Variants in BANF2 observed in about 807,000 individuals in gnomAD.
BANF2 encodes the protein barrier-to-autointegration factor-like protein.
Under a neutral mutation model 8.0 loss-of-function variants are expected in BANF2, and 4 were observed. The ratio of observed to expected loss-of-function variants is 0.50; its 90% CI spans 0.25 to 1.14. The LOEUF is 1.14. BANF2 is among the 50% of genes most tolerant of loss of function. The probability of loss-of-function intolerance (pLI) is 0.16; values close to 1 mark genes in which losing one functional copy is unlikely to be tolerated. For synonymous variants in BANF2, 50 were observed against 40.6 expected (o/e 1.23, Z -0.88); for missense variants, 96 against 107.5 (o/e 0.89, Z 0.47).
At chr20:17,709,590 T>G (rs1004879541) in intron 1 of BANF2, among the ~76,000 whole-genome samples, 1 of 152,052 alleles carries the variant, frequency 6.6e-6, no homozygotes, top group Non-Finnish European at 1.5e-5. Flanking sequence ...TGTTTATATG[T>G]GCACCCAAGC....
chr20:17,712,615 C>A (rs1028112068), intron 1 of BANF2: 6 of 851,992 alleles, frequency 7.0e-6, no homozygotes, highest in South Asian at 5.4e-5. Flanking sequence ...GAGGGTAGTG[C>A]GGATAATGAG....
At chr20:17,707,139 T>A (rs966491005) in intron 1 of BANF2, among the ~76,000 whole-genome samples, 3 of 151,912 alleles carry the variant, frequency 2.0e-5, no homozygotes, top group African/African-American at 7.3e-5. Flanking sequence ...ATCCCAGCAC[T>A]TTGGGAGGCC....
intron 1 of BANF2, among the ~76,000 whole-genome samples, chr20:17,713,301 C>T (rs912188134): frequency 6.6e-6 from 1 of 151,916 alleles, no homozygotes; most frequent in African/African-American, 2.4e-5. Context: ...CATGGATGCA[C>T]CTTGAGGACA....
At chr20:17,706,561 C>T (rs979298625) in intron 1 of BANF2, among the ~76,000 whole-genome samples, 14 of 152,150 alleles carry the variant, frequency 9.2e-5, no homozygotes, top group Non-Finnish European at 1.3e-4. Context: ...ATAGCTTTGT[C>T]GTGAGGATTA....
chr20:17,701,890 T>C (rs1351282071), intron 1 of BANF2, among the ~76,000 whole-genome samples: 5 of 152,220 alleles, frequency 3.3e-5, no homozygotes, highest in African/African-American at 9.6e-5. Flanking sequence ...AACGTTCCCA[T>C]GCCCATCTCT....
intron 1 of BANF2, among the ~76,000 whole-genome samples, chr20:17,694,763 T>C (rs540551034): frequency 2.4e-4 from 36 of 151,436 alleles, no homozygotes; most frequent in Non-Finnish European, 4.6e-4. Context: ...GAAATAGAGG[T>C]TCGTGCCACC....
At chr20:17,713,764 G>A (rs2037610592) in intron 1 of BANF2, among the ~76,000 whole-genome samples, 1 of 152,140 alleles carries the variant, frequency 6.6e-6, no homozygotes, top group Admixed American at 6.5e-5. Context: ...GAACCTGGGA[G>A]TTCGAGACTG....
upstream of BANF2, among the ~76,000 whole-genome samples, chr20:17,699,509 G>T (rs2037379818): frequency 6.6e-6 from 1 of 152,196 alleles, no homozygotes. Context: ...CAGGTGGGCA[G>T]TAGGGGGAAA....
chr20:17,706,895 G>A (rs915888618), intron 1 of BANF2, among the ~76,000 whole-genome samples: 2 of 152,204 alleles, frequency 1.3e-5, no homozygotes, highest in Non-Finnish European at 2.9e-5. Context: ...CAGGCAAGTA[G>A]ACGCTGTGAG....
intron 2 of BANF2, among the ~76,000 whole-genome samples, chr20:17,724,195 T>C (rs1363687340): frequency 6.6e-6 from 1 of 152,226 alleles, no homozygotes; most frequent in Non-Finnish European, 1.5e-5. Flanking sequence ...GTGGTCCATT[T>C]AAAAGTGGAG....
rs117236211 is a variant in BANF2, at chr20:17,721,933, G to A, written c.-166-783G>A. Among the ~76,000 whole-genome samples the A allele has an allele frequency of 6.4e-3, 970 of 152,346 alleles. 5 individuals are homozygous for A. Among genetic ancestry groups the A allele is most frequent in the East Asian group, 0.019 (99 of 5,190 alleles). Reference sequence around the variant, plus strand: ...CCAGATAATTCTTTGTTGTGGGGCAGTTGTGTGCATGGCAGGATGCTTAGC... The same window carrying A: ...CCAGATAATTCTTTGTTGTGGGGCAATTGTGTGCATGGCAGGATGCTTAGC... On this transcript the variant is annotated intron_variant, in intron 1 of 3. Transcript: ENST00000246090.
intron 3 of BANF2, among the ~76,000 whole-genome samples, chr20:17,729,928 G>A (rs1380153676): frequency 1.3e-5 from 2 of 152,174 alleles, no homozygotes; most frequent in Non-Finnish European, 2.9e-5. Flanking sequence ...GACATCCCCC[G>A]AATGCAGAAC....
chr20:17,735,671 A>G lies in BANF2; in HGVS notation c.133A>G (p.Ile45Val). The G allele has an allele frequency of 6.2e-7, 1 of 1,613,758 alleles. No homozygotes were observed. The highest frequency in any genetic ancestry group is 8.5e-7 in the Non-Finnish European group (1 of 1,179,740). The part of the protein sequence containing the change: ...LVTKGINKAY[I>V]LLGQFLLMHK... ...TGTCTCATCCCCTCCCCAGGCCTAC[A>G]TCCTGCTGGGACAATTCCTTCTGAT... The change falls in exon 4 of 4, where the codon ATC becomes GTC. Residue 45 changes from isoleucine (I) to valine (V), a missense_variant. Ile to Val is a conservative substitution (Grantham distance 29). Coordinates refer to ENST00000246090, the MANE Select transcript of BANF2 (RefSeq NM_178477.5).
chr20:17,705,183 C>A (rs2037464835), intron 1 of BANF2, among the ~76,000 whole-genome samples: 1 of 151,326 alleles, frequency 6.6e-6, no homozygotes, highest in Non-Finnish European at 1.5e-5. Context: ...TCCCTGGAGC[C>A]AAGTGGGAGA....
upstream of BANF2, chr20:17,699,898 C>A: frequency 1.2e-6 from 1 of 834,760 alleles, no homozygotes; most frequent in Non-Finnish European, 1.4e-6. Flanking sequence ...GTGCTCACCC[C>A]CGACCTGTGG....
chr20:17,732,846 T>C (rs1401551272), intron 3 of BANF2, among the ~76,000 whole-genome samples: 5 of 152,096 alleles, frequency 3.3e-5, no homozygotes, highest in African/African-American at 7.2e-5. Context: ...CAGCATCTTT[T>C]CTCCTTGATT....
chr20:17,713,344 G>A (rs577352274), intron 1 of BANF2, among the ~76,000 whole-genome samples: 81 of 152,206 alleles, frequency 5.3e-4, no homozygotes, highest in Middle Eastern at 3.4e-3. Context: ...GTCACCAAAA[G>A]ACAACCCCTG....
At position 17,735,821 on chromosome 20, in the gene BANF2, T is replaced by C; in HGVS notation, c.*10T>C. On this transcript the variant is annotated 3_prime_UTR_variant, in exon 4 of 4. Transcript: ENST00000246090. ...TGCCTGCTTCCTGTAGACACAAACC[T>C]CATTGCTGCCCCCCACCACCCTCTG... 9 of 1,607,414 alleles carry C rather than the reference T, an allele frequency of 5.6e-6. No homozygotes were observed. Among genetic ancestry groups the C allele is most frequent in the Non-Finnish European group, 7.7e-6 (9 of 1,175,520 alleles).
chr20:17,724,248 T>G (rs1403361824), intron 2 of BANF2, among the ~76,000 whole-genome samples: 1 of 152,186 alleles, frequency 6.6e-6, no homozygotes, highest in Non-Finnish European at 1.5e-5. Flanking sequence ...TCTTTTTGCC[T>G]GGGGCCTGCA....
Sources: allele counts gnomAD v4.1 joint callset (sites outside exome capture counted in the v4.1 genomes callset), GRCh38; gene constraint gnomAD v4.1.1; transcripts MANE v1.5; gene names NCBI Gene and HGNC (gene_info 2026-07-23, HGNC 2026-07-21).